LAMA2: variants seen among roughly 807,000 people sequenced by gnomAD.
The protein encoded by LAMA2 is laminin subunit alpha-2.
LAMA2 carries 269 observed loss-of-function variants against 364.8 expected under a neutral mutation model. The observed-to-expected ratio is 0.74, with a 90% CI of 0.67 to 0.82. The LOEUF (loss-of-function observed/expected upper bound fraction) is 0.82. Among genes scored for constraint, LAMA2 ranks in the 40% least tolerant of loss-of-function variants. The pLI is 0.00. For synonymous variants in LAMA2, 1,379 were observed against 1,370.6 expected (o/e 1.01, Z -0.14); for missense variants, 3,807 against 3,873.2 (o/e 0.98, Z 0.45).
chr6:129,065,718 C>T (rs1789252155), intron 3 of LAMA2, among the ~76,000 whole-genome samples: 1 of 152,062 alleles, frequency 6.6e-6, no homozygotes, highest in Admixed American at 6.5e-5. Flanking sequence ...TATGATTTGG[C>T]TCTGTGTCCC....
chr6:129,321,319 G>C (rs1300658025), intron 28 of LAMA2, among the ~76,000 whole-genome samples: 1 of 152,114 alleles, frequency 6.6e-6, no homozygotes, highest in Non-Finnish European at 1.5e-5. Flanking sequence ...ATGAGAAACT[G>C]GCCTGGGTTT....
At chr6:129,507,363 G>A (rs1786174589) in intron 61 of LAMA2, 126 bp from the exon 62 acceptor site, 2 of 987,902 alleles carry the variant, frequency 2.0e-6, no homozygotes, top group Admixed American at 3.6e-5. Context: ...GCAGCTTTGG[G>A]GGATATCCCA....
intron 52 of LAMA2, among the ~76,000 whole-genome samples, chr6:129,475,177 A>G (rs1014449153): frequency 6.6e-6 from 1 of 151,946 alleles, no homozygotes; most frequent in Non-Finnish European, 1.5e-5. Flanking sequence ...ATTGTGAGCT[A>G]CGGTCATATT....
chr6:129,155,723 T>TAGCATCTATTTTTCCC (rs1339386615), intron 8 of LAMA2, among the ~76,000 whole-genome samples: 1 of 152,120 alleles, frequency 6.6e-6, no homozygotes, highest in Non-Finnish European at 1.5e-5. Flanking sequence ...CTATTTTTCC[T>TAGCATCTATTTTTCCC]AGCATCTATT....
intron 4 of LAMA2, among the ~76,000 whole-genome samples, chr6:129,100,525 G>A (rs1014487588): frequency 1.3e-5 from 2 of 152,138 alleles, no homozygotes; most frequent in Admixed American, 1.3e-4. Flanking sequence ...GAATAGACAG[G>A]TGATATCCTC....
intron 1 of LAMA2, among the ~76,000 whole-genome samples, chr6:128,967,048 G>C (rs762431374): frequency 6.6e-6 from 1 of 152,154 alleles, no homozygotes; most frequent in South Asian, 2.1e-4. Flanking sequence ...TGTTAGAAAA[G>C]CTTATGTAAA....
Position 129,367,688 on chromosome 6 carries a change from C to T in LAMA2, c.4860+1327C>T, listed in dbSNP as rs184158458. ...TAACCTTTAAGGTAAGTATTATTAT[C>T]CCTATTTTCCAGAAGAAGAAACCAA... On this transcript the variant is annotated intron_variant, in intron 33 of 64. Coordinates refer to ENST00000421865, the MANE Select transcript of LAMA2 (RefSeq NM_000426.4). Among the ~76,000 whole-genome samples, 263 of 152,230 alleles carry T rather than the reference C, an allele frequency of 1.7e-3. 1 individual carries two copies. The highest frequency in any genetic ancestry group is 6.0e-3 in the African/African-American group (250 of 41,548).
chr6:129,207,160 A>C (rs1782731917), intron 12 of LAMA2, among the ~76,000 whole-genome samples: 1 of 152,216 alleles, frequency 6.6e-6, no homozygotes, highest in Non-Finnish European at 1.5e-5. Flanking sequence ...ATTTACAGCT[A>C]TTTCCAAAGA....
At chr6:129,286,331 G>A (rs1018313035) in intron 18 of LAMA2, among the ~76,000 whole-genome samples, 1 of 151,300 alleles carries the variant, frequency 6.6e-6, no homozygotes. Context: ...TGGCAAATGT[G>A]GCTTAGTATA....
At chr6:128,907,648 C>T (rs1777579010) in intron 1 of LAMA2, among the ~76,000 whole-genome samples, 2 of 152,206 alleles carry the variant, frequency 1.3e-5, no homozygotes, top group Non-Finnish European at 2.9e-5. Flanking sequence ...CCTAATTGCC[C>T]TGGCCAGAAC....
chr6:129,288,311 C>T lies in LAMA2; in HGVS notation c.2749+253C>T, dbSNP rs1157027856. On this transcript the variant is annotated intron_variant, in intron 19 of 64. Transcript: ENST00000421865. ...TGATAAACATGTTTTTATTTACATG[C>T]GGAAGGAAGATTTTTTTAATGAACT... is the stretch of plus-strand genomic sequence containing the variant. 5.3e-5 allele frequency among the ~76,000 whole-genome samples: 8 copies of T among 151,734 alleles called. No individual in the cohort carries two copies. In the East Asian group the frequency reaches 7.7e-4, roughly 15 times the overall value.
chr6:129,402,093 C>T (rs1583665740), intron 38 of LAMA2, among the ~76,000 whole-genome samples: 1 of 151,362 alleles, frequency 6.6e-6, no homozygotes, highest in Non-Finnish European at 1.5e-5. Context: ...CCTGTAATCC[C>T]AGCTACTCAG....
At chr6:129,303,740 C>T (rs561474427) in intron 22 of LAMA2, among the ~76,000 whole-genome samples, 1 of 152,262 alleles carries the variant, frequency 6.6e-6, no homozygotes, top group East Asian at 1.9e-4. Context: ...TCAATCCAGT[C>T]TTACAATCCT....
chr6:129,191,706 C>T (rs1027759477), intron 11 of LAMA2, among the ~76,000 whole-genome samples: 1 of 152,170 alleles, frequency 6.6e-6, no homozygotes, highest in Non-Finnish European at 1.5e-5. Flanking sequence ...GCAGTGATTC[C>T]ACAGCTTTGG....
At chr6:129,020,446 C>T (rs893102341) in intron 1 of LAMA2, among the ~76,000 whole-genome samples, 1 of 152,054 alleles carries the variant, frequency 6.6e-6, no homozygotes, top group Admixed American at 6.6e-5. Context: ...AAAGAGGGGC[C>T]AGATGGTTGA....
intron 28 of LAMA2, among the ~76,000 whole-genome samples, chr6:129,322,799 G>T (rs1161476676): frequency 6.6e-6 from 1 of 152,088 alleles, no homozygotes; most frequent in East Asian, 1.9e-4. Flanking sequence ...GATTTAAAAT[G>T]TTAAAAACCT....
chr6:129,353,540 C>A (rs1309324035), intron 32 of LAMA2, among the ~76,000 whole-genome samples, 183 bp downstream of exon 32: 2 of 151,234 alleles, frequency 1.3e-5, no homozygotes, highest in Non-Finnish European at 2.9e-5. Flanking sequence ...GCGTGTCCAT[C>A]CTGCTGAGCC....
intron 3 of LAMA2, among the ~76,000 whole-genome samples, chr6:129,082,332 G>A (rs932476479): frequency 2.0e-5 from 3 of 151,958 alleles, no homozygotes; most frequent in African/African-American, 7.2e-5. Flanking sequence ...TCACTCCACT[G>A]CAATAATATT....
At chr6:129,074,572 G>A (rs1170232080) in intron 3 of LAMA2, among the ~76,000 whole-genome samples, 1 of 152,060 alleles carries the variant, frequency 6.6e-6, no homozygotes, top group Admixed American at 6.6e-5. Flanking sequence ...GCTGTTTTTA[G>A]TATTTTATCC....
Sources: gnomAD v4.1 joint callset for allele counts (sites outside exome capture counted in the v4.1 genomes callset) on GRCh38, gnomAD v4.1.1 for gene constraint, MANE v1.5 for transcripts, NCBI Gene and HGNC (gene_info 2026-07-23, HGNC 2026-07-21) for gene names.